The following SGO2 variants were observed in gnomAD, a reference collection of about 807,000 sequenced individuals.
The protein encoded by SGO2 is shugoshin-like 2.
SGO2 carries 68 observed loss-of-function variants against 99.5 expected under a neutral mutation model. That is an observed-to-expected ratio of 0.68 (90% CI 0.56 to 0.84). The LOEUF is 0.84. Ranked by LOEUF, SGO2 falls within the 40% of genes least tolerant of loss-of-function variation. SGO2 has a pLI of 0.00. For synonymous variants in SGO2, 457 were observed against 487.1 expected, an observed-to-expected ratio of 0.94 and a Z score of 0.81; for missense variants, 1,350 against 1,436.7, an observed-to-expected ratio of 0.94 and a Z score of 0.97.
intron 5 of SGO2, among the ~76,000 whole-genome samples, chr2:200,561,518 T>A (rs2106333401): frequency 6.6e-6 from 1 of 152,342 alleles, no homozygotes; most frequent in East Asian, 1.9e-4. Flanking sequence ...GCAATAAACA[T>A]ACGTGTGCAT....
chr2:200,542,447 C>T, intron 4 of SGO2, 132 bp from the exon 5 acceptor site: 1 of 576,258 alleles, frequency 1.7e-6, no homozygotes, highest in Non-Finnish European at 3.0e-6. Flanking sequence ...ACATTATTCT[C>T]ATTAAATTAT....
Position 200,570,024 on chromosome 2 carries a change from A to G in SGO2, c.703+132A>G. 1.6e-6 allele frequency: 1 copy of G among 609,950 alleles called. No homozygotes were observed. The highest frequency in any genetic ancestry group is 2.9e-6 in the Non-Finnish European group (1 of 349,142). The allele number at this position is 609,950 out of a possible 1,614,324, so 37.8% of individuals were successfully genotyped here. A position where few individuals can be genotyped will look rare whatever the true frequency, so the allele number is the denominator to read the frequency against. On this transcript the variant is annotated intron_variant, in intron 6 of 8. Coordinates refer to ENST00000357799, the MANE Select transcript of SGO2 (RefSeq NM_152524.6). This position sits in a 1 kb window ranked among gnomAD's most constrained non-coding sequence, Gnocchi z 4.4. ...TGTTACCGATTTGCTAACTTCTGCC[A>G]TTTAAAACTGCTGGTGATAGATTTA...
chr2:200,535,020 C>T lies in SGO2; in HGVS notation c.158C>T (p.Ser53Phe), dbSNP rs747749099. Residue 53 changes from serine to phenylalanine, a missense_variant, in exon 3 of 9, where the codon TCT (serine) becomes TTT (phenylalanine). Coordinates refer to ENST00000357799, the MANE Select transcript of SGO2 (RefSeq NM_152524.6). ...ILNNSSIFKI[S>F]LKHNNRALAQ... is the part of the protein sequence containing the mutation. ...GATAATTCTTCTATTTTCAAAATAT[C>T]TTTAAAGCACAACAACAGGGCATTA... 6.5e-7 allele frequency: 1 copy of T among 1,532,344 alleles called. No individual in the cohort carries two copies. The highest frequency in any genetic ancestry group is 8.7e-7 in the Non-Finnish European group (1 of 1,152,220). 94.9% of individuals were successfully genotyped at this position (1,532,344 alleles called of 1,614,324 possible).
In SGO2 at chr2:200,572,412, T is replaced by A; in HGVS notation, c.2066T>A (p.Leu689Ter). ...NQCDYRTQNV[L>*]GLQKQITNMY... Reference sequence around the variant, plus strand: ...TGTGACTATAGGACCCAGAATGTGTTGGGTTTGCAAAAGCAGATCACCAAT... The same window carrying A: ...TGTGACTATAGGACCCAGAATGTGTAGGGTTTGCAAAAGCAGATCACCAAT... The change falls in exon 7 of 9, where the codon TTG becomes TAG. Residue 689 changes from leucine to a stop codon, truncating the protein, a stop_gained. Transcript: ENST00000357799. LOFTEE classifies it high-confidence loss of function. The A allele has an allele frequency of 6.2e-7, 1 of 1,613,572 alleles. No individual in the cohort carries two copies. The highest frequency in any genetic ancestry group is 8.5e-7 in the Non-Finnish European group (1 of 1,179,648).
At chr2:200,546,323 A>C (rs2032209513) in intron 5 of SGO2, among the ~76,000 whole-genome samples, 1 of 134,724 alleles carries the variant, frequency 7.4e-6, no homozygotes, top group Non-Finnish European at 1.6e-5. Flanking sequence ...ACTGCACTCC[A>C]GCCTGGGCTA....
At chr2:200,564,085 T>C (rs1275917230) in intron 5 of SGO2, among the ~76,000 whole-genome samples, 1 of 152,256 alleles carries the variant, frequency 6.6e-6, no homozygotes, top group African/African-American at 2.4e-5. Context: ...ATCTTAGTTA[T>C]TGCTTGCCTT....
At chr2:200,530,317 T>C (rs1362456771) in intron 1 of SGO2, among the ~76,000 whole-genome samples, 2 of 152,070 alleles carry the variant, frequency 1.3e-5, no homozygotes, top group African/African-American at 4.8e-5. Flanking sequence ...TAAGTTGAGA[T>C]ATGAGAGAGA....
At chr2:200,534,887 T>A (rs2031613214) in intron 2 of SGO2, 109 bp from the exon 3 acceptor site, 2 of 691,030 alleles carry the variant, frequency 2.9e-6, no homozygotes, top group East Asian at 3.4e-5. Context: ...CCTTTTCTAA[T>A]CTTCAGTTAA....
In SGO2 at chr2:200,569,809, T is replaced by C. The variant is rs994055025; in HGVS notation, c.620T>C (p.Leu207Ser). ...TCAACTCAGGATAATTCGGAAGTGT[T>C]ATTTCTTAAAGAAAATAATCAAAAT... is the stretch of plus-strand genomic sequence containing the variant. ...PLSTQDNSEV[L>S]FLKENNQNVY... Residue 207 changes from leucine (L) to serine (S), a missense_variant, in exon 6 of 9, where the codon TTA (leucine) becomes TCA (serine). Leu to Ser is a moderately radical substitution (Grantham distance 145, BLOSUM62 -2). Transcript: ENST00000357799. 9.3e-6 allele frequency: 15 copies of C among 1,610,196 alleles called. No homozygotes were observed. The African/African-American group carries it at 2.0e-4, about 22-fold the overall frequency.
Position 200,538,751 on chromosome 2 carries a change from T to G in SGO2, c.387+2609T>G, listed in dbSNP as rs574391653. On this transcript the variant is annotated intron_variant, in intron 4 of 8. Transcript: ENST00000357799. ...CAAATAATGCTAAGTAATGTAAGTA[T>G]CTTTTTAGTATGATGATGATGTGGT... is the stretch of plus-strand genomic sequence containing the variant. Among the ~76,000 whole-genome samples the G allele has an allele frequency of 1.6e-4, 24 of 152,340 alleles. No homozygotes were observed. In the South Asian group the frequency reaches 4.8e-3, roughly 30 times the overall value.
chr2:200,573,366 C>T lies in SGO2; in HGVS notation c.3020C>T (p.Ser1007Leu), dbSNP rs199498219. 65 of 1,602,402 alleles carry T rather than the reference C, an allele frequency of 4.1e-5. No homozygotes were observed. Among genetic ancestry groups the T allele is most frequent in the Non-Finnish European group, 5.2e-5 (61 of 1,176,788 alleles). Residue 1007 changes from serine (S) to leucine (L), a missense_variant, in exon 7 of 9, where the codon TCA becomes TTA. Transcript: ENST00000357799. The part of the protein sequence containing the change: ...ILTKAKNKLA[S>L]QLTESSQTSI... ...ACAAAAGCTAAGAACAAACTTGCTT[C>T]ACAGTTAACAGAATCTTCACAGACA...
chr2:200,555,926 C>T (rs1438705542), intron 5 of SGO2, among the ~76,000 whole-genome samples: 1 of 152,100 alleles, frequency 6.6e-6, no homozygotes, highest in African/African-American at 2.4e-5. Flanking sequence ...CTGTTTTCCC[C>T]AAGGAGTCTC....
rs1488719538 is a variant in SGO2, at chr2:200,571,774, A to C, written c.1428A>C (p.Gln476His). 1.9e-6 allele frequency: 3 copies of C among 1,613,732 alleles called. No homozygotes were observed. Among genetic ancestry groups the C allele is most frequent in the Middle Eastern group, 1.6e-4 (1 of 6,062 alleles). The stretch of plus-strand genomic sequence containing the variant: ...ATGAACTAAAGAAAATGACCCTTCA[A>C]ACTGGCTTTGAACAAGGTGACAGAG... ...QVNELKKMTL[Q>H]TGFEQGDREN... The change falls in exon 7 of 9, where the codon CAA becomes CAC. Residue 476 changes from glutamine to histidine, a missense_variant. By Grantham distance (24) the Gln-to-His change is conservative (BLOSUM62 0). Transcript: ENST00000357799.
In SGO2 at chr2:200,526,414, G is replaced by C. The variant is rs1265791898; in HGVS notation, c.-3+162G>C. On this transcript the variant is annotated intron_variant, in intron 1 of 8. Coordinates refer to ENST00000357799, the MANE Select transcript of SGO2 (RefSeq NM_152524.6). This position sits in a 1 kb window ranked among gnomAD's most constrained non-coding sequence, Gnocchi z 4.8. Reference sequence around the variant, plus strand: ...GACGGCGGCCCCTCTCCGGCTACGAGGGGTTCGTTGACGGAGTCCTGTTTT... The same window carrying C: ...GACGGCGGCCCCTCTCCGGCTACGACGGGTTCGTTGACGGAGTCCTGTTTT... 6.6e-6 allele frequency among the ~76,000 whole-genome samples: 1 copy of C among 152,254 alleles called. No homozygotes were observed. Among genetic ancestry groups the C allele is most frequent in the Non-Finnish European group, 1.5e-5 (1 of 68,044 alleles).
intron 8 of SGO2, chr2:200,580,393 T>G (rs892584688): frequency 3.4e-6 from 1 of 290,212 alleles, no homozygotes; most frequent in African/African-American, 2.3e-5. Context: ...TTTGATTTAC[T>G]AATTGGATCT....
At chr2:200,560,351 T>C (rs2032890337) in intron 5 of SGO2, among the ~76,000 whole-genome samples, 1 of 152,164 alleles carries the variant, frequency 6.6e-6, no homozygotes, top group African/African-American at 2.4e-5. Context: ...TTCTATTATA[T>C]TTAAAATGCT....
At chr2:200,557,923 G>T (rs2032784881) in intron 5 of SGO2, among the ~76,000 whole-genome samples, 1 of 149,894 alleles carries the variant, frequency 6.7e-6, no homozygotes, top group Non-Finnish European at 1.5e-5. Context: ...GAGTGCAATG[G>T]CATGATCTCG....
At chr2:200,581,163 T>A (rs944507292) in intron 8 of SGO2, among the ~76,000 whole-genome samples, 1 of 152,170 alleles carries the variant, frequency 6.6e-6, no homozygotes. Flanking sequence ...AACTGTGCTG[T>A]GATTGCTTAG....
Position 200,561,405 on chromosome 2 carries a change from C to T in SGO2, c.474-8258C>T, listed in dbSNP as rs559879920. 1.6e-3 allele frequency among the ~76,000 whole-genome samples: 239 copies of T among 152,240 alleles called. 1 individual carries two copies. The highest frequency in any genetic ancestry group is 5.3e-3 in the African/African-American group (219 of 41,530). On this transcript the variant is annotated intron_variant, in intron 5 of 8. Coordinates refer to ENST00000357799, the MANE Select transcript of SGO2 (RefSeq NM_152524.6). ...TTTTTTATGGCTGCATAGTATTCCA[C>T]GGTGTATATGTGCACATTTTCTTAA... is the stretch of plus-strand genomic sequence containing the variant.
Sources: allele counts gnomAD v4.1 joint callset (sites outside exome capture counted in the v4.1 genomes callset), GRCh38; gene constraint gnomAD v4.1.1; non-coding constraint Gnocchi (gnomAD v3.1); transcripts MANE v1.5; gene names NCBI Gene and HGNC (gene_info 2026-07-23, HGNC 2026-07-21).